Variants in ROR1 observed in about 807,000 individuals in gnomAD.
The protein encoded by ROR1 is ROR family WNT receptor 1, also known as inactive tyrosine-protein kinase transmembrane receptor ROR1.
In ROR1, 19 loss-of-function variants were observed where a neutral mutation model predicts 78.8. The ratio of observed to expected loss-of-function variants is 0.24; its 90% CI spans 0.17 to 0.35. The LOEUF is 0.35. ROR1 is among the 10% of genes least tolerant of loss of function. The pLI, the probability that ROR1 is intolerant of heterozygous loss-of-function variation, is 1.00. For synonymous variants in ROR1, 386 were observed against 433.6 expected, an observed-to-expected ratio of 0.89 and a Z score of 1.36; for missense variants, 917 against 1,177.8, an observed-to-expected ratio of 0.78 and a Z score of 3.24.
At chr1:64,141,963 C>T (rs968168352) in intron 6 of ROR1, among the ~76,000 whole-genome samples, 1 of 152,064 alleles carries the variant, frequency 6.6e-6, no homozygotes, top group Non-Finnish European at 1.5e-5. Flanking sequence ...AATGCACAGC[C>T]TCTGATAAGC....
At chr1:64,097,015 ATGGGTGGTATGT>A (rs1413548817) in intron 4 of ROR1, among the ~76,000 whole-genome samples, 1 of 151,980 alleles carries the variant, frequency 6.6e-6, no homozygotes, top group Non-Finnish European at 1.5e-5. Context: ...GTACAGTCTT[ATGGGTGGTATGT>A]TAGTTTCCTC....
At chr1:63,794,096 C>T (rs904063031) in intron 1 of ROR1, among the ~76,000 whole-genome samples, 4 of 152,152 alleles carry the variant, frequency 2.6e-5, no homozygotes, top group Non-Finnish European at 4.4e-5. Flanking sequence ...TCACTGTCAC[C>T]GCTTCCTAGG....
chr1:64,010,743 G>C (rs552664408), intron 2 of ROR1, among the ~76,000 whole-genome samples: 4 of 152,226 alleles, frequency 2.6e-5, no homozygotes, highest in Non-Finnish European at 5.9e-5. Context: ...CATGAGGGTG[G>C]TTTCCCCCAT....
chr1:64,069,992 T>C (rs2100616402), intron 4 of ROR1, among the ~76,000 whole-genome samples: 2 of 152,270 alleles, frequency 1.3e-5, no homozygotes, highest in Middle Eastern at 6.8e-3. Flanking sequence ...CATTAAGTGG[T>C]CACTCCCCAT....
At chr1:63,827,253 G>C (rs1032663332) in intron 1 of ROR1, among the ~76,000 whole-genome samples, 1 of 152,090 alleles carries the variant, frequency 6.6e-6, no homozygotes, top group Non-Finnish European at 1.5e-5. Flanking sequence ...TTACTCTGTC[G>C]TAGTTTCTTT....
At chr1:63,973,785 T>G (rs983762478) in intron 1 of ROR1, among the ~76,000 whole-genome samples, 3 of 152,162 alleles carry the variant, frequency 2.0e-5, no homozygotes, top group African/African-American at 7.2e-5. Context: ...TATGTGAAGA[T>G]TAGAAACCTG....
chr1:63,925,879 A>C (rs1569921564), intron 1 of ROR1, among the ~76,000 whole-genome samples: 1 of 150,444 alleles, frequency 6.6e-6, no homozygotes, highest in East Asian at 2.0e-4. Flanking sequence ...TTTTCTTGTA[A>C]ATTTGTTTGA....
intron 1 of ROR1, among the ~76,000 whole-genome samples, chr1:63,923,909 C>T (rs1645677846): frequency 6.6e-6 from 1 of 151,832 alleles, no homozygotes; most frequent in Admixed American, 6.6e-5. Flanking sequence ...TGCACCAAAA[C>T]CAGGGGGCCT....
intron 1 of ROR1, among the ~76,000 whole-genome samples, chr1:63,882,749 T>TA (rs1160231039): frequency 6.6e-6 from 1 of 152,262 alleles, no homozygotes; most frequent in Middle Eastern, 3.4e-3. Context: ...TGAAGAGTTC[T>TA]AAAAAAGTTC....
intron 2 of ROR1, among the ~76,000 whole-genome samples, chr1:64,035,704 GT>G (rs1646696724): frequency 6.6e-6 from 1 of 152,166 alleles, no homozygotes; most frequent in South Asian, 2.1e-4. Flanking sequence ...AAGAAAGCTG[GT>G]TTTCAAAGAG....
chr1:63,839,473 G>T (rs1397938973), intron 1 of ROR1, among the ~76,000 whole-genome samples: 2 of 151,774 alleles, frequency 1.3e-5, no homozygotes, highest in African/African-American at 4.8e-5. Context: ...GTATAAGAAG[G>T]CTCTGTAGTG....
chr1:63,811,282 C>T (rs1452673425), intron 1 of ROR1, among the ~76,000 whole-genome samples: 4 of 152,130 alleles, frequency 2.6e-5, no homozygotes, highest in African/African-American at 4.8e-5. Flanking sequence ...AGCTCAGACT[C>T]GGAGCGTCCA....
Position 64,142,606 on chromosome 1 carries a change from T to G in ROR1, c.1130T>G (p.Leu377Trp). 3.1e-6 allele frequency: 5 copies of G among 1,614,136 alleles called. No individual in the cohort carries two copies. The highest frequency in any genetic ancestry group is 4.2e-6 in the Non-Finnish European group (5 of 1,180,020). Residue 377 changes from leucine to tryptophan, a missense_variant, in exon 7 of 9, where the codon TTG becomes TGG. This residue lies in a region of ROR1 where 835 missense variants were observed against 1,069.8 expected (regional missense o/e 0.78). Transcript: ENST00000371079. ...NQKEAPWCFT[L>W]DENFKSDLCD... The stretch of plus-strand genomic sequence containing the variant: ...AAGGAAGCTCCCTGGTGCTTCACCT[T>G]GGATGAAAACTTTAAGTCTGATCTG...
At chr1:63,932,906 C>G (rs1645765379) in intron 1 of ROR1, among the ~76,000 whole-genome samples, 1 of 152,056 alleles carries the variant, frequency 6.6e-6, no homozygotes, top group African/African-American at 2.4e-5. Context: ...AGGGCCAGAG[C>G]TGGTAGAGTG....
chr1:63,839,432 C>G (rs1645036948), intron 1 of ROR1, among the ~76,000 whole-genome samples: 1 of 152,046 alleles, frequency 6.6e-6, no homozygotes, highest in Non-Finnish European at 1.5e-5. Flanking sequence ...ATTAATCTGT[C>G]TGTAATACAA....
chr1:64,115,408 TTTA>T (rs1648281153), intron 4 of ROR1, among the ~76,000 whole-genome samples: 1 of 151,878 alleles, frequency 6.6e-6, no homozygotes, highest in Non-Finnish European at 1.5e-5. Flanking sequence ...TATTTATTTA[TTTA>T]TTTTGTAGAG....
At chr1:64,101,476 A>G (rs1039935854) in intron 4 of ROR1, among the ~76,000 whole-genome samples, 2 of 152,168 alleles carry the variant, frequency 1.3e-5, no homozygotes, top group Non-Finnish European at 2.9e-5. Context: ...GTAGAGACAT[A>G]ATGGTACAAG....
intron 4 of ROR1, among the ~76,000 whole-genome samples, chr1:64,058,597 G>GTTTTT (rs36125066): frequency 0.042 from 6,231 of 147,378 alleles, 453 homozygotes; most frequent in African/African-American, 0.15. Flanking sequence ...ATCGTGGTGG[G>GTTTTT]TTTTTTTTTG....
At position 63,928,752 on chromosome 1, in the gene ROR1, T is replaced by C. The variant is rs192105664; in HGVS notation, c.92-80553T>C. On this transcript the variant is annotated intron_variant, in intron 1 of 8. Coordinates refer to ENST00000371079, the MANE Select transcript of ROR1 (RefSeq NM_005012.4). ...AAGGATGTTAATGGCATCTACCTAC[T>C]AGAATTGTTTCAAGGAATAAATGGG... Among the ~76,000 whole-genome samples the C allele has an allele frequency of 7.9e-5, 12 of 152,312 alleles. 1 individual carries two copies. In the East Asian group the frequency reaches 2.3e-3, roughly 29 times the overall value.
Sources: gnomAD v4.1 joint callset for allele counts (sites outside exome capture counted in the v4.1 genomes callset) on GRCh38, gnomAD v4.1.1 for gene constraint, gnomAD v4.1.1 regional missense constraint, MANE v1.5 for transcripts, NCBI Gene and HGNC (gene_info 2026-07-23, HGNC 2026-07-21) for gene names.